Variants in PSD3 observed in about 807,000 individuals in gnomAD.
PSD3 encodes the protein PH and SEC7 domain-containing protein 3.
PSD3 carries 49 observed loss-of-function variants against 105.5 expected under a neutral mutation model. That is an observed-to-expected ratio of 0.46 (90% CI 0.37 to 0.59). The LOEUF (loss-of-function observed/expected upper bound fraction) is 0.59, where lower values mean the gene tolerates loss of function less well. Ranked by LOEUF, PSD3 falls within the 20% of genes least tolerant of loss-of-function variation. The pLI, the probability that PSD3 is intolerant of heterozygous loss-of-function variation, is 0.00. For synonymous variants in PSD3, 557 were observed against 457.8 expected (o/e 1.22, Z -2.77); for missense variants, 1,561 against 1,263.8 (o/e 1.24, Z -3.57).
At chr8:19,073,852 A>G (rs1256028392) in intron 1 of PSD3, among the ~76,000 whole-genome samples, 1 of 150,474 alleles carries the variant, frequency 6.6e-6, no homozygotes, top group African/African-American at 2.4e-5. Context: ...GTGCAGTGGT[A>G]GGATCTCGGC....
At chr8:18,560,742 AACAAT>A (rs1024602138) in intron 14 of PSD3, among the ~76,000 whole-genome samples, 21 of 152,324 alleles carry the variant, frequency 1.4e-4, no homozygotes, top group African/African-American at 5.1e-4. Flanking sequence ...AGGAACTCAA[AACAAT>A]ACAATAGCAA....
In PSD3 at chr8:19,074,584, G is replaced by GATATATATATATAT. The variant is rs57891868; in HGVS notation, c.324+9621_324+9622insATATATATATATAT. ...ATAAAAGGTATAATTTTACAACTCA[G>GATATATATATATAT]ATATATACATATATATATATATATA... is the stretch of plus-strand genomic sequence containing the variant. On this transcript the variant is annotated intron_variant, in intron 1 of 1. Transcript: ENST00000521475. Among the ~76,000 whole-genome samples the GATATATATATATAT allele has an allele frequency of 6.3e-3, 626 of 99,248 alleles. 30 individuals are homozygous for GATATATATATATAT. The highest frequency in any genetic ancestry group is 9.6e-3 in the Non-Finnish European group (457 of 47,646). 65.1% of individuals were successfully genotyped at this position (99,248 alleles called of 152,430 possible). A position where few individuals can be genotyped will look rare whatever the true frequency, so the allele number is the denominator to read the frequency against.
intron 4 of PSD3, among the ~76,000 whole-genome samples, chr8:18,819,575 ATTTTT>A (rs746931460): frequency 2.7e-5 from 3 of 111,316 alleles, no homozygotes; most frequent in South Asian, 6.9e-4. Context: ...ATTAGAATGG[ATTTTT>A]TTTTTTTTTT....
chr8:18,584,001 A>G (rs1438141829), intron 12 of PSD3, among the ~76,000 whole-genome samples: 1 of 152,162 alleles, frequency 6.6e-6, no homozygotes, highest in Non-Finnish European at 1.5e-5. Flanking sequence ...CTGATACTGG[A>G]TACTTAAGCC....
chr8:18,654,335 T>C (rs774641209), intron 10 of PSD3, among the ~76,000 whole-genome samples: 2 of 152,192 alleles, frequency 1.3e-5, no homozygotes, highest in Non-Finnish European at 2.9e-5. Flanking sequence ...ACAAGTTTTA[T>C]CTCCCAAGTT....
intron 1 of PSD3, among the ~76,000 whole-genome samples, chr8:18,970,820 C>T (rs180686278): frequency 5.3e-4 from 80 of 151,692 alleles, no homozygotes; most frequent in Non-Finnish European, 9.4e-4. Context: ...CTGGGCGTGG[C>T]GGTGTGCACC....
chr8:18,879,081 C>CACACAT (rs1817933980), intron 2 of PSD3, among the ~76,000 whole-genome samples: 4 of 145,664 alleles, frequency 2.7e-5, no homozygotes, highest in African/African-American at 7.7e-5. Context: ...CACACACACA[C>CACACAT]ACACACGCAC....
chr8:18,746,119 C>A (rs1223369982), intron 9 of PSD3, among the ~76,000 whole-genome samples: 6 of 152,212 alleles, frequency 3.9e-5, no homozygotes, highest in African/African-American at 1.2e-4. Context: ...TGATGGGTCC[C>A]CACCCTTCAC....
intron 14 of PSD3, among the ~76,000 whole-genome samples, chr8:18,567,754 A>G (rs1801883514): frequency 6.6e-6 from 1 of 152,132 alleles, no homozygotes; most frequent in Non-Finnish European, 1.5e-5. Context: ...CCCATCAAAG[A>G]AGGCCAATGT....
chr8:18,961,640 G>A (rs1482289343), intron 1 of PSD3, among the ~76,000 whole-genome samples: 4 of 152,108 alleles, frequency 2.6e-5, no homozygotes, highest in Admixed American at 6.5e-5. Flanking sequence ...GCAGCGAGCC[G>A]AGATCACGCT....
intron 9 of PSD3, among the ~76,000 whole-genome samples, chr8:18,723,031 A>G (rs1048150400): frequency 5.9e-5 from 9 of 152,200 alleles, no homozygotes; most frequent in African/African-American, 2.2e-4. Context: ...AATGTTTTCC[A>G]TAATACTGGC....
intron 1 of PSD3, among the ~76,000 whole-genome samples, chr8:18,979,071 A>T (rs1299302934): frequency 6.6e-6 from 1 of 152,048 alleles, no homozygotes; most frequent in Non-Finnish European, 1.5e-5. Flanking sequence ...TGGAGGACGA[A>T]TGGGTAAGAA....
Position 18,534,593 on chromosome 8 carries a change from C to T in PSD3, c.*1150G>A, listed in dbSNP as rs756878398. The T allele has an allele frequency of 6.6e-6, 1 of 152,152 alleles. No individual in the cohort carries two copies. The highest frequency in any genetic ancestry group is 1.5e-5 in the Non-Finnish European group (1 of 68,024). The allele number at this position is 152,152 out of a possible 1,614,324, so 9.4% of individuals were successfully genotyped here. A position where few individuals can be genotyped will look rare whatever the true frequency, so the allele number is the denominator to read the frequency against. On this transcript the variant is annotated 3_prime_UTR_variant, in exon 16 of 16. Transcript: ENST00000327040. ...AACAAAGTCACTTTGCACCTGCAAC[C>T]AGAAGATTCCTCAGTTTTCCAACCA... is the stretch of plus-strand genomic sequence containing the variant.
intron 1 of PSD3, among the ~76,000 whole-genome samples, chr8:18,975,314 A>AAATTTTTTTT (rs1491401616): frequency 6.9e-6 from 1 of 144,316 alleles, no homozygotes; most frequent in Non-Finnish European, 1.5e-5. Flanking sequence ...ATTTTCTGAA[A>AAATTTTTTTT]TTTTTTTTTT....
At chr8:19,020,417 T>C (rs950952670) in intron 1 of PSD3, among the ~76,000 whole-genome samples, 8 of 152,038 alleles carry the variant, frequency 5.3e-5, no homozygotes, top group African/African-American at 1.9e-4. Flanking sequence ...GCAAAGGCCC[T>C]GAGGTCTTGC....
intron 12 of PSD3, among the ~76,000 whole-genome samples, chr8:18,577,466 G>A (rs1042892014): frequency 3.9e-5 from 6 of 151,904 alleles, no homozygotes; most frequent in Admixed American, 6.6e-5. Flanking sequence ...CTTCAGACAC[G>A]TATATTAACC....
chr8:18,610,856 G>C (rs980751060), intron 11 of PSD3, among the ~76,000 whole-genome samples: 1 of 152,132 alleles, frequency 6.6e-6, no homozygotes, highest in Non-Finnish European at 1.5e-5. Context: ...CTGGGAGCTA[G>C]GCACTTAGAT....
chr8:18,646,219 T>G (rs1808023957), intron 10 of PSD3, among the ~76,000 whole-genome samples: 1 of 152,154 alleles, frequency 6.6e-6, no homozygotes, highest in African/African-American at 2.4e-5. Context: ...ATTACTTTCA[T>G]TTTAAAGTTC....
chr8:19,057,025 C>A (rs1009996532), intron 1 of PSD3, among the ~76,000 whole-genome samples: 1 of 152,168 alleles, frequency 6.6e-6, no homozygotes, highest in African/African-American at 2.4e-5. Flanking sequence ...TTGCCTCTAG[C>A]TAGCTTTTGA....
Sources: gnomAD v4.1 joint callset for allele counts (sites outside exome capture counted in the v4.1 genomes callset) on GRCh38, gnomAD v4.1.1 for gene constraint, MANE v1.5 for transcripts, NCBI Gene and HGNC (gene_info 2026-07-23, HGNC 2026-07-21) for gene names.